The following NRXN3 variants were observed in gnomAD, a reference collection of about 807,000 sequenced individuals.
NRXN3 encodes neurexin 3.
Under a neutral mutation model 137.6 loss-of-function variants are expected in NRXN3, and 32 were observed. The observed-to-expected ratio is 0.23, with a 90% CI of 0.18 to 0.31. NRXN3 has a LOEUF of 0.31. Ranked by LOEUF, NRXN3 falls within the 10% of genes least tolerant of loss-of-function variation. The probability of loss-of-function intolerance (pLI) is 1.00; values close to 1 mark genes in which losing one functional copy is unlikely to be tolerated. For synonymous variants in NRXN3, 798 were observed against 784.5 expected (o/e 1.02, Z -0.29); for missense variants, 1,574 against 2,062.5 (o/e 0.76, Z 4.59).
chr14:79,432,418 A>G (rs1330076782), intron 15 of NRXN3, among the ~76,000 whole-genome samples: 1 of 152,150 alleles, frequency 6.6e-6, no homozygotes, highest in African/African-American at 2.4e-5. Flanking sequence ...ACCTCTAAAC[A>G]GAATGTAAAG....
At chr14:78,805,343 T>G (rs556187093) in intron 9 of NRXN3, among the ~76,000 whole-genome samples, 24 of 152,168 alleles carry the variant, frequency 1.6e-4, no homozygotes, top group African/African-American at 5.3e-4. Context: ...CGTGTGTTCC[T>G]GAGTTTCCAA....
chr14:79,478,420 C>T lies in NRXN3; in HGVS notation c.3444+11018C>T, dbSNP rs182395228. Among the ~76,000 whole-genome samples, 40 of 151,994 alleles carry T rather than the reference C, an allele frequency of 2.6e-4. 2 individuals carry two copies. The East Asian group carries it at 7.6e-3, about 29-fold the overall frequency. ...TGAAATCAGTTTACAGAGATGTCTT[C>T]TTCATCTTTATTGGTATTTATTATG... On this transcript the variant is annotated intron_variant, in intron 16 of 20. Coordinates refer to ENST00000335750, the MANE Select transcript of NRXN3 (RefSeq NM_001330195.2).
chr14:79,588,956 T>C (rs1441675575), intron 16 of NRXN3, among the ~76,000 whole-genome samples: 2 of 152,166 alleles, frequency 1.3e-5, no homozygotes, highest in African/African-American at 2.4e-5. Flanking sequence ...CTTTTAGTTA[T>C]TTAAAAATTC....
intron 15 of NRXN3, among the ~76,000 whole-genome samples, chr14:78,990,321 A>T (rs11627971): frequency 0.3 from 45,587 of 149,786 alleles, 7,484 homozygotes; most frequent in Admixed American, 0.45. Context: ...CTGTGATTGG[A>T]TAGATACATA....
At chr14:78,864,767 G>A (rs80042752) in intron 10 of NRXN3, among the ~76,000 whole-genome samples, 3,484 of 152,170 alleles carry the variant, frequency 0.023, 54 homozygotes, top group African/African-American at 0.039. Flanking sequence ...ACAGTCTTGG[G>A]GAAGTATGGC....
chr14:79,083,817 G>A (rs912392662), intron 15 of NRXN3, among the ~76,000 whole-genome samples: 7 of 152,176 alleles, frequency 4.6e-5, no homozygotes, highest in Admixed American at 2.6e-4. Flanking sequence ...AATCTCCTTT[G>A]GAAGGGAGAA....
chr14:79,628,819 G>C (rs771560384), intron 16 of NRXN3, among the ~76,000 whole-genome samples: 2 of 152,188 alleles, frequency 1.3e-5, no homozygotes, highest in Admixed American at 1.3e-4. Flanking sequence ...ACTGTACGAC[G>C]TGAAAGTAGA....
intron 15 of NRXN3, among the ~76,000 whole-genome samples, chr14:79,020,534 G>A (rs969658570): frequency 2.0e-5 from 3 of 151,032 alleles, no homozygotes; most frequent in Non-Finnish European, 2.9e-5. Flanking sequence ...CAAAGTGCTG[G>A]GATTACAGGT....
intron 4 of NRXN3, among the ~76,000 whole-genome samples, chr14:78,537,640 T>G (rs987885048): frequency 2.6e-5 from 4 of 152,226 alleles, no homozygotes; most frequent in Non-Finnish European, 4.4e-5. Flanking sequence ...TATTTTGGCT[T>G]TTGTTGCCAT....
intron 4 of NRXN3, among the ~76,000 whole-genome samples, chr14:78,595,943 A>C (rs1454730917): frequency 6.6e-6 from 1 of 152,214 alleles, no homozygotes; most frequent in African/African-American, 2.4e-5. Flanking sequence ...GACAATTCGC[A>C]TAGCTGCAGA....
At chr14:79,767,416 C>T (rs2099059701) in intron 19 of NRXN3, among the ~76,000 whole-genome samples, 1 of 152,180 alleles carries the variant, frequency 6.6e-6, no homozygotes, top group African/African-American at 2.4e-5. Flanking sequence ...GAAATCTTCC[C>T]TGAGTTCCCT....
intron 16 of NRXN3, among the ~76,000 whole-genome samples, chr14:79,495,946 C>G (rs1601195343): frequency 6.8e-6 from 1 of 146,530 alleles, no homozygotes; most frequent in East Asian, 2.0e-4. Context: ...TAGTCAAGTG[C>G]TAAAAAAAAA....
intron 10 of NRXN3, among the ~76,000 whole-genome samples, chr14:78,911,955 A>G (rs946219823): frequency 3.3e-5 from 5 of 151,742 alleles, no homozygotes; most frequent in African/African-American, 7.3e-5. Flanking sequence ...GTTTTAGGGT[A>G]CATGTGCACA....
chr14:79,130,393 G>T (rs1230461136), intron 15 of NRXN3, among the ~76,000 whole-genome samples: 2 of 151,928 alleles, frequency 1.3e-5, no homozygotes, highest in Non-Finnish European at 2.9e-5. Context: ...AAATCTCTCA[G>T]CATTTGCTTG....
intron 14 of NRXN3, among the ~76,000 whole-genome samples, chr14:78,975,485 C>T (rs536342239): frequency 6.6e-6 from 1 of 152,286 alleles, no homozygotes; most frequent in Admixed American, 6.5e-5. Flanking sequence ...TAATGACAGA[C>T]TTTTCCTGTA....
At chr14:79,441,045 A>G (rs954931061) in intron 15 of NRXN3, among the ~76,000 whole-genome samples, 3 of 152,234 alleles carry the variant, frequency 2.0e-5, no homozygotes, top group African/African-American at 4.8e-5. Context: ...CCAATGTGGC[A>G]AGGGCCATTC....
At chr14:79,453,620 A>G (rs1466740873) in intron 15 of NRXN3, among the ~76,000 whole-genome samples, 1 of 152,170 alleles carries the variant, frequency 6.6e-6, no homozygotes, top group Non-Finnish European at 1.5e-5. Context: ...CTTGCTTGGG[A>G]CTTAAAATCA....
chr14:79,654,974 C>G (rs1160543946), intron 16 of NRXN3, among the ~76,000 whole-genome samples: 1 of 152,172 alleles, frequency 6.6e-6, no homozygotes, highest in Non-Finnish European at 1.5e-5. Flanking sequence ...TGGAGGGTTA[C>G]TCACGCTTTG....
intron 15 of NRXN3, among the ~76,000 whole-genome samples, chr14:79,309,825 G>T (rs2086880220): frequency 7.2e-6 from 1 of 139,648 alleles, no homozygotes; most frequent in Non-Finnish European, 1.5e-5. Context: ...GTAGATTCTG[G>T]ATATTAGCCC....
Sources: gnomAD v4.1 joint callset for allele counts (sites outside exome capture counted in the v4.1 genomes callset) on GRCh38, gnomAD v4.1.1 for gene constraint, MANE v1.5 for transcripts, NCBI Gene and HGNC (gene_info 2026-07-23, HGNC 2026-07-21) for gene names.